ATP9A: variants seen among roughly 807,000 people sequenced by gnomAD.
ATP9A encodes probable phospholipid-transporting ATPase IIA.
Under a neutral mutation model 144.1 loss-of-function variants are expected in ATP9A, and 52 were observed. The observed-to-expected ratio is 0.36, with a 90% CI of 0.29 to 0.45. The LOEUF (loss-of-function observed/expected upper bound fraction) is 0.45, where lower values mean the gene tolerates loss of function less well. Ranked by LOEUF, ATP9A falls within the 20% of genes least tolerant of loss-of-function variation. The pLI is 1.00. For missense variants in ATP9A, 947 were observed against 1,392.7 expected (o/e 0.68, Z 5.09); for synonymous variants, 582 against 557.4 (o/e 1.04, Z -0.62).
In ATP9A at chr20:51,730,071, G is replaced by GC. The variant is rs966333735; in HGVS notation, c.69-94dup. On this transcript the variant is annotated intron_variant, in intron 1 of 27. Coordinates refer to ENST00000338821, the MANE Select transcript of ATP9A (RefSeq NM_006045.3). ...TCTTCGCAGATTGCTTTTCTCTACA[G>GC]CATCTTCTCTGGCTCAGGACCACAG... The GC allele has an allele frequency of 3.1e-5, 41 of 1,325,034 alleles. No homozygotes were observed. In the African/African-American group the frequency reaches 5.0e-4, roughly 16 times the overall value. The allele number at this position is 1,325,034 out of a possible 1,614,324, so 82.1% of individuals were successfully genotyped here. A position where few individuals can be genotyped will look rare whatever the true frequency, so the allele number is the denominator to read the frequency against.
At chr20:51,767,701 G>A (rs1449862058) in intron 1 of ATP9A, among the ~76,000 whole-genome samples, 2 of 152,150 alleles carry the variant, frequency 1.3e-5, no homozygotes, top group African/African-American at 2.4e-5. Context: ...GCGGCCAGTA[G>A]GAGACCCTCC....
chr20:51,726,433 G>C (rs1481069417), intron 2 of ATP9A, among the ~76,000 whole-genome samples: 1 of 150,352 alleles, frequency 6.7e-6, no homozygotes, highest in East Asian at 1.9e-4. Flanking sequence ...GGTAATAAAA[G>C]TATCATTTGT....
intron 2 of ATP9A, among the ~76,000 whole-genome samples, chr20:51,728,708 A>G (rs2122872328): frequency 6.6e-6 from 1 of 151,998 alleles, no homozygotes; most frequent in Non-Finnish European, 1.5e-5. Flanking sequence ...TGAGGCTGCA[A>G]TAAGCTCTGA....
intron 23 of ATP9A, among the ~76,000 whole-genome samples, chr20:51,612,581 T>C (rs1381375510): frequency 6.6e-6 from 1 of 152,142 alleles, no homozygotes; most frequent in East Asian, 1.9e-4. Context: ...CATGCCACCA[T>C]GTCCAGCTAA....
chr20:51,655,491 AAAG>A (rs35855130), intron 14 of ATP9A, among the ~76,000 whole-genome samples: 111,101 of 151,734 alleles, frequency 0.73, 41,655 homozygotes, highest in Middle Eastern at 0.83. Flanking sequence ...ACATTTTTCC[AAAG>A]AAGATAAACA....
rs749000986 is a variant in ATP9A at position 51,739,349 on chromosome 20, C to CT, written c.69-9372dup. Among the ~76,000 whole-genome samples the CT allele has an allele frequency of 9.4e-3, 1,263 of 134,658 alleles. 23 individuals are homozygous for CT. Among genetic ancestry groups the CT allele is most frequent in the East Asian group, 0.043 (195 of 4,510 alleles). 88.3% of individuals were successfully genotyped at this position (134,658 alleles called of 152,430 possible). ...AGTTTTCTTCTATCCTACACTCACT[C>CT]TTTTTTTTTTTTTTTTTTTGAGATG... is the stretch of plus-strand genomic sequence containing the variant. On this transcript the variant is annotated intron_variant, in intron 1 of 27. Coordinates refer to ENST00000338821, the MANE Select transcript of ATP9A (RefSeq NM_006045.3).
At chr20:51,626,494 T>A (rs117906996) in intron 17 of ATP9A, among the ~76,000 whole-genome samples, 167 of 133,834 alleles carry the variant, frequency 1.2e-3, no homozygotes, top group Middle Eastern at 7.7e-3. Flanking sequence ...CTGTCACAAA[T>A]AAAAAAAAAA....
chr20:51,728,602 G>A (rs1312986362), intron 2 of ATP9A, among the ~76,000 whole-genome samples: 1 of 149,380 alleles, frequency 6.7e-6, no homozygotes, highest in Non-Finnish European at 1.5e-5. Context: ...GCTCCAGCCT[G>A]GGCGACAGAG....
intron 4 of ATP9A, among the ~76,000 whole-genome samples, chr20:51,711,852 A>ATTTTTTT (rs11469394): frequency 1.7e-5 from 2 of 120,920 alleles, no homozygotes; most frequent in African/African-American, 6.3e-5. Context: ...TTCAATTTCA[A>ATTTTTTT]TTTTTTTTTT....
At chr20:51,662,587 T>G (rs1030217571) in intron 13 of ATP9A, among the ~76,000 whole-genome samples, 9 of 150,794 alleles carry the variant, frequency 6.0e-5, no homozygotes, top group Non-Finnish European at 1.3e-4. Context: ...TATGATTTGC[T>G]TTATTTATTT....
At chr20:51,632,048 C>CT (rs1333015072) in intron 15 of ATP9A, among the ~76,000 whole-genome samples, 3 of 152,094 alleles carry the variant, frequency 2.0e-5, no homozygotes, top group Admixed American at 1.3e-4. Context: ...GAGAATTTTT[C>CT]TTTTTTTTCT....
intron 13 of ATP9A, among the ~76,000 whole-genome samples, chr20:51,662,612 G>A (rs796849441): frequency 1.1e-4 from 16 of 150,642 alleles, no homozygotes; most frequent in East Asian, 7.7e-4. Flanking sequence ...TTTGGCACCC[G>A]GTTAAATTTG....
intron 17 of ATP9A, among the ~76,000 whole-genome samples, chr20:51,625,884 C>A (rs2077246374): frequency 1.3e-5 from 2 of 152,224 alleles, no homozygotes; most frequent in African/African-American, 4.8e-5. Context: ...GCTTGAAGCA[C>A]ATGCTTTTAA....
chr20:51,626,951 A>G (rs2426316), intron 17 of ATP9A, among the ~76,000 whole-genome samples: 75,603 of 151,192 alleles, frequency 0.5, 19,407 homozygotes, highest in East Asian at 0.68. Context: ...CAGCTACTCC[A>G]GAGGCCGAGG....
At chr20:51,753,029 G>A (rs1190842991) in intron 1 of ATP9A, among the ~76,000 whole-genome samples, 1 of 151,486 alleles carries the variant, frequency 6.6e-6, no homozygotes, top group Non-Finnish European at 1.5e-5. Context: ...TTGAACCTGG[G>A]AGGCAGAAGT....
chr20:51,701,814 G>A (rs1216653228), intron 4 of ATP9A, among the ~76,000 whole-genome samples: 1 of 152,194 alleles, frequency 6.6e-6, no homozygotes, highest in Non-Finnish European at 1.5e-5. Context: ...TTGAGCTACT[G>A]CAGAGTGCTG....
intron 1 of ATP9A, among the ~76,000 whole-genome samples, chr20:51,739,503 C>A (rs1444982255): frequency 6.6e-6 from 1 of 152,000 alleles, no homozygotes; most frequent in Admixed American, 6.6e-5. Flanking sequence ...AGGCACCCGC[C>A]ACCATGCCCG....
rs897159272 is a variant in ATP9A, at chr20:51,610,311, CACA to C, written c.2572-149_2572-147del. 488 of 638,122 alleles carry C rather than the reference CACA, an allele frequency of 7.6e-4. 3 individuals carry two copies. Among genetic ancestry groups the C allele is most frequent in the African/African-American group, 7.8e-4 (43 of 54,780 alleles). 39.5% of individuals were successfully genotyped at this position (638,122 alleles called of 1,614,324 possible). A position where few individuals can be genotyped will look rare whatever the true frequency, so the allele number is the denominator to read the frequency against. ...TACATGGATTTGCTCATTTCATTCTCACAACATCAACAACAACCCTATGAAGTA... is the reference window on the plus strand; with the variant it reads ...TACATGGATTTGCTCATTTCATTCTCACATCAACAACAACCCTATGAAGTA... On this transcript the variant is annotated intron_variant, in intron 23 of 27. Transcript: ENST00000338821.
chr20:51,663,112 AC>A (rs1270731321), intron 13 of ATP9A, among the ~76,000 whole-genome samples: 1 of 152,154 alleles, frequency 6.6e-6, no homozygotes, highest in Non-Finnish European at 1.5e-5. Flanking sequence ...TAAGATCCAG[AC>A]CCAAAGAATG....
Sources: gnomAD v4.1 joint callset for allele counts (sites outside exome capture counted in the v4.1 genomes callset) on GRCh38, gnomAD v4.1.1 for gene constraint, MANE v1.5 for transcripts, NCBI Gene and HGNC (gene_info 2026-07-23, HGNC 2026-07-21) for gene names.